Variants in COL5A1 observed in about 807,000 individuals in gnomAD.
COL5A1 encodes the protein collagen alpha-1(V) chain.
COL5A1 carries 16 observed loss-of-function variants against 263.7 expected under a neutral mutation model. That is an observed-to-expected ratio of 0.06 (90% CI 0.04 to 0.09). The LOEUF is 0.09. Ranked by LOEUF, COL5A1 falls within the 10% of genes least tolerant of loss-of-function variation. The pLI, the probability that COL5A1 is intolerant of heterozygous loss-of-function variation, is 1.00. For synonymous variants in COL5A1, 1,012 were observed against 1,004.5 expected (o/e 1.01, Z -0.14); for missense variants, 2,036 against 2,540.5 (o/e 0.80, Z 4.27).
chr9:134,815,734 C>A, intron 51 of COL5A1, 105 bp downstream of exon 51: 1 of 1,371,084 alleles, frequency 7.3e-7, no homozygotes, highest in Non-Finnish European at 1.0e-6. Flanking sequence ...TGAACTCCCA[C>A]TGGGGCAGGC....
chr9:134,805,365 T>C, intron 41 of COL5A1, 151 bp downstream of exon 41: 1 of 894,880 alleles, frequency 1.1e-6, no homozygotes, highest in South Asian at 1.4e-5. Context: ...TTCAGGGAGA[T>C]GCGGACGGCG....
Position 134,716,955 on chromosome 9 carries a change from T to C in COL5A1, c.655-10311T>C, listed in dbSNP as rs1042773725. ...TTCCGACGACATGAAAATATTTCTC[T>C]GACACTCTCGTTAATAGTGTGAAAC... On this transcript the variant is annotated intron_variant, in intron 4 of 65. Transcript: ENST00000371817. The surrounding 1 kb of genome is among the most constrained non-coding windows in gnomAD (Gnocchi z 4.5). Among the ~76,000 whole-genome samples the C allele has an allele frequency of 7.2e-5, 11 of 152,284 alleles. No individual in the cohort carries two copies. Among genetic ancestry groups the C allele is most frequent in the African/African-American group, 1.7e-4 (7 of 41,536 alleles).
Position 134,708,949 on chromosome 9 carries a change from G to A in COL5A1, c.654+7616G>A, listed in dbSNP as rs774156454. On this transcript the variant is annotated intron_variant, in intron 4 of 65. Coordinates refer to ENST00000371817, the MANE Select transcript of COL5A1 (RefSeq NM_000093.5). ...CCACGTCGCCCCAGCTTCTGCCTCC[G>A]TCTTTACACAGCCTCTCTCTTCCCC... 1.2e-4 allele frequency: 54 copies of A among 456,428 alleles called. 1 individual carries two copies. The highest frequency in any genetic ancestry group is 9.7e-4 in the Middle Eastern group (3 of 3,098). 28.3% of individuals were successfully genotyped at this position (456,428 alleles called of 1,614,324 possible). A position where few individuals can be genotyped will look rare whatever the true frequency, so the allele number is the denominator to read the frequency against.
At chr9:134,759,256 G>GCA (rs1476579277) in intron 18 of COL5A1, among the ~76,000 whole-genome samples, 1 of 109,434 alleles carries the variant, frequency 9.1e-6, no homozygotes, top group Admixed American at 9.4e-5. Flanking sequence ...ACACATGTGT[G>GCA]CGCGCACACA....
intron 4 of COL5A1, among the ~76,000 whole-genome samples, chr9:134,702,274 G>T (rs1025974738): frequency 6.6e-6 from 1 of 152,194 alleles, no homozygotes; most frequent in Non-Finnish European, 1.5e-5. Context: ...AAACCTGTTC[G>T]AAAGCCACTG....
At chr9:134,693,142 C>G (rs1200265403) in intron 2 of COL5A1, among the ~76,000 whole-genome samples, 3 of 152,066 alleles carry the variant, frequency 2.0e-5, no homozygotes, top group Non-Finnish European at 4.4e-5. Context: ...CTCTCTGTGC[C>G]TCTCTCAGCA....
At chr9:134,768,785 C>T (rs190655538) in intron 25 of COL5A1, among the ~76,000 whole-genome samples, 26 of 152,340 alleles carry the variant, frequency 1.7e-4, no homozygotes, top group Non-Finnish European at 3.1e-4. Flanking sequence ...TCCAGGCCAT[C>T]GCTTGCGTCC....
chr9:134,699,356 C>T (rs1173569606), intron 2 of COL5A1, among the ~76,000 whole-genome samples: 1 of 152,144 alleles, frequency 6.6e-6, no homozygotes, highest in Non-Finnish European at 1.5e-5. Flanking sequence ...TCCACTTTTT[C>T]TCTGTTTTGC....
intron 28 of COL5A1, 66 bp downstream of exon 28, chr9:134,780,212 C>A: frequency 6.7e-7 from 1 of 1,492,232 alleles, no homozygotes; most frequent in Non-Finnish European, 9.4e-7. Flanking sequence ...GCCAGCGGGG[C>A]CCTCCCACAA....
chr9:134,804,945 A>G (rs753371974), intron 39 of COL5A1, 30 bp from the exon 40 acceptor site: 1 of 1,593,504 alleles, frequency 6.3e-7, no homozygotes, highest in Admixed American at 1.7e-5. Context: ...CACTGGCTCC[A>G]GGAAAGCTCA....
chr9:134,781,044 G>A (rs901128935), intron 28 of COL5A1, among the ~76,000 whole-genome samples: 5 of 152,270 alleles, frequency 3.3e-5, no homozygotes, highest in African/African-American at 1.2e-4. Context: ...GTGCTGGCGT[G>A]ATGGTCCACG....
chr9:134,682,787 T>G lies in COL5A1; in HGVS notation c.110-8125T>G, dbSNP rs1374663612. On this transcript the variant is annotated intron_variant, in intron 1 of 65. Transcript: ENST00000371817. The surrounding 1 kb of genome is among the most constrained non-coding windows in gnomAD (Gnocchi z 5.1). Reference sequence around the variant, plus strand: ...TTCTGGGGCCAGGGGAGCATCCCTGTGCATTTGTTGGCAAAAAGGAGCAGG... The same window carrying G: ...TTCTGGGGCCAGGGGAGCATCCCTGGGCATTTGTTGGCAAAAAGGAGCAGG... Among the ~76,000 whole-genome samples, 3 of 152,166 alleles carry G rather than the reference T, an allele frequency of 2.0e-5. No homozygotes were observed. Among genetic ancestry groups the G allele is most frequent in the African/African-American group, 7.2e-5 (3 of 41,450 alleles).
At chr9:134,768,230 GCCT>G (rs1201255798) in intron 24 of COL5A1, among the ~76,000 whole-genome samples, 177 bp from the exon 25 acceptor site, 2 of 152,196 alleles carry the variant, frequency 1.3e-5, no homozygotes, top group Non-Finnish European at 2.9e-5. Context: ...CAGTGGAGCC[GCCT>G]CCTCCTGGGC....
At position 134,686,383 on chromosome 9, in the gene COL5A1, G is replaced by C. The variant is rs1341244984; in HGVS notation, c.110-4529G>C. 2.0e-5 allele frequency among the ~76,000 whole-genome samples: 3 copies of C among 152,014 alleles called. No individual in the cohort carries two copies. The highest frequency in any genetic ancestry group is 7.3e-5 in the African/African-American group (3 of 41,360). On this transcript the variant is annotated intron_variant, in intron 1 of 65. Transcript: ENST00000371817. The surrounding 1 kb of genome is among the most constrained non-coding windows in gnomAD (Gnocchi z 4.6). ...AGCCTCACACCTCAGCCCCTCAGTA[G>C]CTGGGATCACAGGTGCATGCCACCA...
Position 134,782,667 on chromosome 9 carries a change from G to A in COL5A1, c.2431G>A (p.Gly811Ser). The A allele has an allele frequency of 1.2e-6, 2 of 1,613,954 alleles. No homozygotes were observed. The highest frequency in any genetic ancestry group is 1.7e-6 in the Non-Finnish European group (2 of 1,179,930). ...GGGCACTCTCTTGTCCCATATTCAG[G>A]GTGAAGACGGCTTTCCTGGGTTTAA... ...RGLKGTKGEKGEDGFPGFKGD... is the reference protein window; with the variant it reads ...RGLKGTKGEKSEDGFPGFKGD... Residue 811 changes from glycine to serine, a missense_variant and splice_region_variant, in exon 29 of 66, where the codon GGT becomes AGT. Physicochemically the swap from Gly to Ser is moderately conservative, Grantham distance 56. Transcript: ENST00000371817.
At chr9:134,725,485 C>T (rs74786477) in intron 4 of COL5A1, among the ~76,000 whole-genome samples, 1 of 152,198 alleles carries the variant, frequency 6.6e-6, no homozygotes. Context: ...TGCTTTGGAA[C>T]ACCCAGGGTG....
At chr9:134,798,658 C>G (rs137919863) in intron 37 of COL5A1, among the ~76,000 whole-genome samples, 197 bp downstream of exon 37, 1 of 103,070 alleles carries the variant, frequency 9.7e-6, no homozygotes, top group Non-Finnish European at 2.1e-5. Context: ...CAGGGCAGAG[C>G]AGTCATGCAG....
At chr9:134,751,015 C>A in intron 13 of COL5A1, 133 bp downstream of exon 13, 1 of 817,044 alleles carries the variant, frequency 1.2e-6, no homozygotes, top group Non-Finnish European at 2.0e-6. Context: ...TGCCTGCTTG[C>A]TGGGGTCAGG....
chr9:134,697,504 C>T (rs1467760960), intron 2 of COL5A1, among the ~76,000 whole-genome samples: 4 of 151,944 alleles, frequency 2.6e-5, no homozygotes, highest in Non-Finnish European at 4.4e-5. Context: ...CTCAGGGTGG[C>T]GGTGGGGTGG....
Sources: allele counts gnomAD v4.1 joint callset (sites outside exome capture counted in the v4.1 genomes callset), GRCh38; gene constraint gnomAD v4.1.1; non-coding constraint Gnocchi (gnomAD v3.1); transcripts MANE v1.5; gene names NCBI Gene and HGNC (gene_info 2026-07-23, HGNC 2026-07-21).